RERE: variants seen among roughly 807,000 people sequenced by gnomAD.
The protein encoded by RERE is arginine-glutamic acid dipeptide repeats protein.
In RERE, 40 loss-of-function variants were observed where a neutral mutation model predicts 146.1. The ratio of observed to expected loss-of-function variants is 0.27; its 90% confidence interval spans 0.21 to 0.36. The LOEUF (loss-of-function observed/expected upper bound fraction) is 0.36. Ranked by LOEUF, RERE falls within the 10% of genes least tolerant of loss-of-function variation. RERE has a pLI of 1.00. For missense variants in RERE, 1,933 were observed against 2,138.7 expected (o/e 0.90, Z 1.90); for synonymous variants, 1,003 against 866.0 (o/e 1.16, Z -2.78).
intron 10 of RERE, among the ~76,000 whole-genome samples, chr1:8,467,660 T>C (rs1232272259): frequency 6.6e-6 from 1 of 152,210 alleles, no homozygotes; most frequent in Admixed American, 6.5e-5. Flanking sequence ...TTTCTTTTTT[T>C]TTGAGACGGA....
chr1:8,473,323 CTCTT>C (rs1644714578), intron 10 of RERE, among the ~76,000 whole-genome samples: 2 of 152,230 alleles, frequency 1.3e-5, no homozygotes, highest in African/African-American at 4.8e-5. Flanking sequence ...ACACCATACT[CTCTT>C]TGCTTCCATT....
At chr1:8,488,338 C>T (rs573915594) in intron 10 of RERE, among the ~76,000 whole-genome samples, 4 of 152,178 alleles carry the variant, frequency 2.6e-5, no homozygotes, top group Non-Finnish European at 4.4e-5. Context: ...CTCCGCCTCC[C>T]GGGTTCAAGT....
At chr1:8,495,277 A>G in intron 9 of RERE, 115 bp from the exon 10 acceptor site, 3 of 698,868 alleles carry the variant, frequency 4.3e-6, no homozygotes, top group East Asian at 2.8e-5. Context: ...TACTACACGC[A>G]TGATGAACCA....
intron 2 of RERE, among the ~76,000 whole-genome samples, chr1:8,630,646 G>A (rs368479354): frequency 6.6e-6 from 1 of 152,160 alleles, no homozygotes; most frequent in African/African-American, 2.4e-5. Flanking sequence ...CTGGAGCCCT[G>A]GAGTTCAAAG....
chr1:8,710,665 C>T (rs1639647365), intron 1 of RERE, among the ~76,000 whole-genome samples: 2 of 151,990 alleles, frequency 1.3e-5, no homozygotes, highest in East Asian at 3.9e-4. Flanking sequence ...ACTACAGGTG[C>T]CCACCACGCC....
intron 12 of RERE, among the ~76,000 whole-genome samples, chr1:8,378,936 C>G (rs1642354527): frequency 1.3e-5 from 2 of 152,146 alleles, no homozygotes; most frequent in Admixed American, 6.5e-5. Context: ...GAACAGGTGC[C>G]AAAGGGTAGA....
chr1:8,508,710 A>G (rs750239717), intron 7 of RERE, 35 bp from the exon 8 acceptor site: 2 of 1,552,818 alleles, frequency 1.3e-6, no homozygotes, highest in South Asian at 2.3e-5. Context: ...AGTTAGCGCA[A>G]TACAGTTTTG....
intron 11 of RERE, among the ~76,000 whole-genome samples, chr1:8,448,786 G>A (rs1468851581): frequency 5.3e-5 from 8 of 151,610 alleles, no homozygotes; most frequent in Admixed American, 4.6e-4. Flanking sequence ...CCGAGATCAC[G>A]CCACTGCACT....
intron 2 of RERE, among the ~76,000 whole-genome samples, chr1:8,634,861 G>A (rs1647077573): frequency 6.6e-6 from 1 of 152,066 alleles, no homozygotes; most frequent in Non-Finnish European, 1.5e-5. Context: ...TCAGCCTCAT[G>A]AGTAGCTGGG....
chr1:8,814,321 G>C (rs184207078), intron 1 of RERE, among the ~76,000 whole-genome samples: 21 of 152,288 alleles, frequency 1.4e-4, no homozygotes, highest in Admixed American at 5.2e-4. Flanking sequence ...GCCAGGATTT[G>C]TGAAAATAAA....
chr1:8,514,087 T>C (rs1250102521), intron 7 of RERE, among the ~76,000 whole-genome samples: 1 of 152,246 alleles, frequency 6.6e-6, no homozygotes, highest in Non-Finnish European at 1.5e-5. Context: ...CCTTTCAGTG[T>C]AGAGAAGCTG....
chr1:8,799,761 TA>T (rs1641551504), intron 1 of RERE, among the ~76,000 whole-genome samples: 1 of 151,980 alleles, frequency 6.6e-6, no homozygotes, highest in Non-Finnish European at 1.5e-5. Context: ...TTTTTTTTTT[TA>T]TTTTTAGCTC....
intron 12 of RERE, among the ~76,000 whole-genome samples, chr1:8,413,818 G>A (rs1472304425): frequency 1.3e-5 from 2 of 152,036 alleles, no homozygotes; most frequent in Non-Finnish European, 2.9e-5. Flanking sequence ...CACTTTGGGA[G>A]GCCAAGGTGG....
rs530901306 is a variant in RERE at position 8,693,917 on chromosome 1, T to A, written c.-144-37476A>T. On this transcript the variant is annotated intron_variant, in intron 1 of 22. Coordinates refer to ENST00000400908, the MANE Select transcript of RERE (RefSeq NM_001042681.2). ...TCTAAAAACTAGTCTACTGATTTAA[T>A]GTTTTAAAATTTTTTAATGTTTTAA... Among the ~76,000 whole-genome samples, 3 of 152,120 alleles carry A rather than the reference T, an allele frequency of 2.0e-5. No individual in the cohort carries two copies. In the South Asian group the frequency reaches 6.2e-4, roughly 32 times the overall value.
chr1:8,546,438 T>C (rs1003160710), intron 6 of RERE, among the ~76,000 whole-genome samples: 3 of 152,188 alleles, frequency 2.0e-5, no homozygotes, highest in African/African-American at 7.2e-5. Context: ...TACAATTTTA[T>C]TGCATTTTAA....
chr1:8,677,584 T>C (rs1222287649), intron 1 of RERE, among the ~76,000 whole-genome samples: 1 of 152,176 alleles, frequency 6.6e-6, no homozygotes. Context: ...AAAACCTTAT[T>C]ATTCACTAAT....
At chr1:8,667,731 T>A (rs998152375) in intron 1 of RERE, among the ~76,000 whole-genome samples, 1 of 152,220 alleles carries the variant, frequency 6.6e-6, no homozygotes, top group Non-Finnish European at 1.5e-5. Flanking sequence ...TACAAATAAC[T>A]GCTTTCATAT....
intron 1 of RERE, among the ~76,000 whole-genome samples, chr1:8,691,675 T>C (rs1376389904): frequency 1.3e-5 from 2 of 152,192 alleles, no homozygotes; most frequent in African/African-American, 4.8e-5. Context: ...AAGAAGTCCC[T>C]GATAAAAATA....
rs945424888 is a variant in RERE at position 8,738,690 on chromosome 1, A to G, written c.-145+78470T>C. On this transcript the variant is annotated intron_variant, in intron 1 of 22. Transcript: ENST00000400908. Reference sequence around the variant, plus strand: ...GACACTATGCTCAGTGCTTTATATAATATCAACTCATTTCACCTTCACAAA... The same window carrying G: ...GACACTATGCTCAGTGCTTTATATAGTATCAACTCATTTCACCTTCACAAA... Among the ~76,000 whole-genome samples the G allele has an allele frequency of 4.6e-5, 7 of 152,222 alleles. No individual in the cohort carries two copies. In the East Asian group the frequency reaches 9.6e-4, roughly 21 times the overall value.
Sources: gnomAD v4.1 joint callset for allele counts (sites outside exome capture counted in the v4.1 genomes callset) on GRCh38, gnomAD v4.1.1 for gene constraint, MANE v1.5 for transcripts, NCBI Gene and HGNC (gene_info 2026-07-23, HGNC 2026-07-21) for gene names.